The following PITPNC1 variants were observed in gnomAD, a reference collection of about 807,000 sequenced individuals.
PITPNC1 encodes phosphatidylinositol transfer protein cytoplasmic 1.
Under a neutral mutation model 44.7 loss-of-function variants are expected in PITPNC1, and 18 were observed. The observed-to-expected ratio is 0.40, with a 90% CI of 0.28 to 0.60. The LOEUF (loss-of-function observed/expected upper bound fraction) is 0.60. PITPNC1 is among the 20% of genes least tolerant of loss of function. The pLI is 0.39. For missense variants in PITPNC1, 290 were observed against 418.4 expected (o/e 0.69, Z 2.68); for synonymous variants, 141 against 149.6 (o/e 0.94, Z 0.42).
chr17:67,624,398 G>T (rs1310488631), intron 5 of PITPNC1, among the ~76,000 whole-genome samples: 3 of 151,924 alleles, frequency 2.0e-5, no homozygotes, highest in African/African-American at 7.3e-5. Flanking sequence ...TATTTGTGGA[G>T]ACAAGGTATC....
intron 2 of PITPNC1, among the ~76,000 whole-genome samples, chr17:67,541,327 G>A (rs1432402749): frequency 1.3e-5 from 2 of 152,140 alleles, no homozygotes; most frequent in African/African-American, 2.4e-5. Context: ...AAATTAAATA[G>A]GGGCAAGTAT....
intron 1 of PITPNC1, among the ~76,000 whole-genome samples, chr17:67,385,480 CT>C (rs920848069): frequency 9.7e-5 from 14 of 144,882 alleles, no homozygotes; most frequent in African/African-American, 3.5e-4. Context: ...CTGACCACCC[CT>C]CCCCCCTCCC....
At chr17:67,447,088 T>TGAAAA (rs2039107491) in intron 1 of PITPNC1, among the ~76,000 whole-genome samples, 1 of 18,832 alleles carries the variant, frequency 5.3e-5, no homozygotes, top group Non-Finnish European at 1.2e-4. Flanking sequence ...AGACTCTGTC[T>TGAAAA]CAAAAAAAAA....
intron 1 of PITPNC1, among the ~76,000 whole-genome samples, chr17:67,499,582 A>C (rs2040000731): frequency 6.6e-6 from 1 of 152,206 alleles, no homozygotes; most frequent in African/African-American, 2.4e-5. Context: ...CTACCTCCCT[A>C]CTTCCTACTG....
rs1160152426 is a variant in PITPNC1, at chr17:67,599,034, AT to A, written c.366+20797del. ...TATATATATATATATATATATATAT[AT>A]TTTTTTTTTTTTTTTTTTTACCATG... On this transcript the variant is annotated intron_variant, in intron 5 of 8. Transcript: ENST00000581322. 6.7e-3 allele frequency among the ~76,000 whole-genome samples: 238 copies of A among 35,476 alleles called. 4 individuals are homozygous for A. The highest frequency in any genetic ancestry group is 0.03 in the East Asian group (33 of 1,086). The allele number at this position is 35,476 out of a possible 152,430, so 23.3% of individuals were successfully genotyped here.
chr17:67,630,353 C>T (rs1417123705), intron 5 of PITPNC1, among the ~76,000 whole-genome samples: 1 of 152,152 alleles, frequency 6.6e-6, no homozygotes, highest in Non-Finnish European at 1.5e-5. Context: ...CATGGTGGCT[C>T]ACGCCTGTAA....
chr17:67,551,268 C>T (rs937521972), intron 2 of PITPNC1, among the ~76,000 whole-genome samples: 1 of 152,144 alleles, frequency 6.6e-6, no homozygotes, highest in Admixed American at 6.5e-5. Context: ...TTGTTTTCTG[C>T]AAATGACTGC....
chr17:67,492,124 A>G (rs1181013008), intron 1 of PITPNC1, among the ~76,000 whole-genome samples: 2 of 152,180 alleles, frequency 1.3e-5, no homozygotes, highest in Non-Finnish European at 2.9e-5. Flanking sequence ...ATACAGTCAG[A>G]AAAGTTCATG....
chr17:67,496,258 G>C (rs2039951006), intron 1 of PITPNC1, among the ~76,000 whole-genome samples: 3 of 152,130 alleles, frequency 2.0e-5, no homozygotes, highest in Admixed American at 2.0e-4. Flanking sequence ...CCCTTTCCCT[G>C]TTATCGTTCT....
At chr17:67,629,153 G>A (rs1297545191) in intron 5 of PITPNC1, among the ~76,000 whole-genome samples, 1 of 151,858 alleles carries the variant, frequency 6.6e-6, no homozygotes, top group Non-Finnish European at 1.5e-5. Flanking sequence ...TTTGAGTCCT[G>A]TAGATTTTGC....
chr17:67,480,137 A>G (rs2039683159), intron 1 of PITPNC1, among the ~76,000 whole-genome samples: 1 of 152,122 alleles, frequency 6.6e-6, no homozygotes, highest in Non-Finnish European at 1.5e-5. Flanking sequence ...GCCTGATACC[A>G]CTGCTTAGGG....
intron 1 of PITPNC1, among the ~76,000 whole-genome samples, chr17:67,465,529 GCCC>G (rs2039413069): frequency 6.6e-6 from 1 of 152,156 alleles, no homozygotes; most frequent in Non-Finnish European, 1.5e-5. Flanking sequence ...GGTTCAGGGT[GCCC>G]AGGAACTAGC....
intron 4 of PITPNC1, among the ~76,000 whole-genome samples, chr17:67,568,101 A>G (rs1311839520): frequency 6.6e-6 from 1 of 152,340 alleles, no homozygotes; most frequent in East Asian, 1.9e-4. Context: ...ATAGAAACAA[A>G]TGTTCATCAA....
At chr17:67,378,928 G>A in intron 1 of PITPNC1, 1 of 978,084 alleles carries the variant, frequency 1.0e-6, no homozygotes, top group Non-Finnish European at 1.2e-6. Context: ...CGGGGCCGCG[G>A]CTGCCGGCTG....
intron 5 of PITPNC1, among the ~76,000 whole-genome samples, chr17:67,599,602 C>A (rs985225016): frequency 3.3e-5 from 5 of 152,088 alleles, no homozygotes; most frequent in African/African-American, 4.8e-5. Flanking sequence ...GAAATTGTCA[C>A]CAGTAACAGC....
At chr17:67,397,734 C>T (rs2038240900) in intron 1 of PITPNC1, among the ~76,000 whole-genome samples, 2 of 152,166 alleles carry the variant, frequency 1.3e-5, no homozygotes, top group Admixed American at 6.5e-5. Context: ...GTTCAACTTG[C>T]TTTCTTGGAT....
intron 1 of PITPNC1, among the ~76,000 whole-genome samples, chr17:67,465,979 C>G (rs1410162223): frequency 2.1e-5 from 3 of 146,206 alleles, no homozygotes; most frequent in South Asian, 4.4e-4. Context: ...CCCCGTCAGG[C>G]AAGGTCGGCC....
At chr17:67,382,807 G>C (rs538509688) in intron 1 of PITPNC1, among the ~76,000 whole-genome samples, 8 of 151,668 alleles carry the variant, frequency 5.3e-5, no homozygotes, top group Non-Finnish European at 1.0e-4. Context: ...TGTATTTTTA[G>C]TAGAGAAGGG....
At chr17:67,501,481 T>C (rs897179592) in intron 1 of PITPNC1, among the ~76,000 whole-genome samples, 2 of 152,186 alleles carry the variant, frequency 1.3e-5, no homozygotes, top group African/African-American at 4.8e-5. Flanking sequence ...TCCCTTATTT[T>C]GCAACCTTTT....
Sources: gnomAD v4.1 joint callset for allele counts (sites outside exome capture counted in the v4.1 genomes callset) on GRCh38, gnomAD v4.1.1 for gene constraint, MANE v1.5 for transcripts, NCBI Gene and HGNC (gene_info 2026-07-23, HGNC 2026-07-21) for gene names.